OTOGL: variants seen among roughly 807,000 people sequenced by gnomAD.
OTOGL encodes otogelin like.
OTOGL carries 285 observed loss-of-function variants against 318.5 expected under a neutral mutation model. The observed-to-expected ratio is 0.89, with a 90% confidence interval of 0.81 to 0.99. The LOEUF (loss-of-function observed/expected upper bound fraction) is 0.99, where lower values mean the gene tolerates loss of function less well. OTOGL is among the 50% of genes least tolerant of loss of function. The pLI is 0.00. For missense variants in OTOGL, 2,899 were observed against 2,845.6 expected, an observed-to-expected ratio of 1.02 and a Z score of -0.43; for synonymous variants, 987 against 936.5, an observed-to-expected ratio of 1.05 and a Z score of -0.99.
At chr12:80,313,100 AAAGG>A (rs1302798837) in intron 30 of OTOGL, among the ~76,000 whole-genome samples, 5 of 152,236 alleles carry the variant, frequency 3.3e-5, no homozygotes, top group Non-Finnish European at 7.3e-5. Context: ...GGCAAAAAAG[AAAGG>A]AAAGAAGGAA....
At position 80,255,165 on chromosome 12, in the gene OTOGL, C is replaced by A; in HGVS notation, c.1567C>A (p.Gln523Lys). ...TGKDKFTITLQKAPCEQNLGL... is the reference protein window; with the variant it reads ...TGKDKFTITLKKAPCEQNLGL... ...AAAAGATAAATTCACGATTACTTTA[C>A]AGAAAGCTCCCTGTGAGCAGGTAAG... Residue 523 changes from glutamine (Q) to lysine (K), a missense_variant, in exon 16 of 59, where the codon CAG becomes AAG. Around this residue, in one of 3 missense-constraint regions of OTOGL, gnomAD observed 2,607 missense variants for 2,524.9 expected, o/e 1.03. Transcript: ENST00000547103. 2 of 1,516,318 alleles carry A rather than the reference C, an allele frequency of 1.3e-6. No individual in the cohort carries two copies. Among genetic ancestry groups the A allele is most frequent in the Admixed American group, 2.4e-5 (1 of 40,962 alleles). The allele number at this position is 1,516,318 out of a possible 1,614,324, so 93.9% of individuals were successfully genotyped here.
intron 26 of OTOGL, among the ~76,000 whole-genome samples, chr12:80,295,816 T>A (rs1381176406): frequency 2.0e-5 from 3 of 152,216 alleles, no homozygotes; most frequent in Non-Finnish European, 4.4e-5. Flanking sequence ...TATATACATA[T>A]AACATCCCAT....
intron 44 of OTOGL, among the ~76,000 whole-genome samples, chr12:80,346,946 T>C (rs758681879): frequency 5.9e-5 from 9 of 152,236 alleles, no homozygotes; most frequent in Non-Finnish European, 7.3e-5. Flanking sequence ...ATACTCAATC[T>C]GTTCCATCCA....
At chr12:80,192,867 T>G (rs920773456) in intron 1 of OTOGL, among the ~76,000 whole-genome samples, 1 of 152,166 alleles carries the variant, frequency 6.6e-6, no homozygotes, top group African/African-American at 2.4e-5. Context: ...CGTGAGTATA[T>G]AGTATGTACC....
At chr12:80,269,687 C>T (rs573896147) in intron 22 of OTOGL, among the ~76,000 whole-genome samples, 1 of 152,268 alleles carries the variant, frequency 6.6e-6, no homozygotes, top group East Asian at 1.9e-4. Context: ...GACTTTACTT[C>T]CTTTGATTCC....
At chr12:80,188,960 T>C (rs1875491304) in intron 1 of OTOGL, among the ~76,000 whole-genome samples, 1 of 152,238 alleles carries the variant, frequency 6.6e-6, no homozygotes, top group Non-Finnish European at 1.5e-5. Flanking sequence ...CCGTTCTCTC[T>C]GTCCTCCCTT....
intron 52 of OTOGL, among the ~76,000 whole-genome samples, chr12:80,360,473 C>G (rs1317166395): frequency 7.2e-6 from 1 of 137,992 alleles, no homozygotes; most frequent in African/African-American, 2.7e-5. Flanking sequence ...TCTCTCCTCT[C>G]TCTCCCTCTC....
intron 4 of OTOGL, among the ~76,000 whole-genome samples, chr12:80,217,283 G>C (rs560933118): frequency 6.6e-6 from 1 of 152,202 alleles, no homozygotes; most frequent in African/African-American, 2.4e-5. Context: ...ATCGGGGGCT[G>C]GGGGGAAGAC....
chr12:80,358,995 T>C, intron 52 of OTOGL, 95 bp downstream of exon 52: 5 of 1,028,366 alleles, frequency 4.9e-6, no homozygotes, highest in Non-Finnish European at 6.9e-6. Flanking sequence ...TTAGAGTTAA[T>C]AAAATTACCC....
chr12:80,179,084 G>T (rs1367884844), intron 1 of OTOGL, among the ~76,000 whole-genome samples: 3 of 151,324 alleles, frequency 2.0e-5, no homozygotes, highest in Non-Finnish European at 4.4e-5. Flanking sequence ...GACTGGCTTG[G>T]TTTTTATTGT....
intron 9 of OTOGL, 26 bp downstream of exon 9, chr12:80,233,123 G>C: frequency 6.4e-7 from 1 of 1,552,972 alleles, no homozygotes; most frequent in Non-Finnish European, 8.8e-7. Context: ...TAAATGTGTG[G>C]GTACCTTCTA....
intron 26 of OTOGL, among the ~76,000 whole-genome samples, chr12:80,287,218 T>C (rs1406518723): frequency 1.3e-5 from 2 of 151,794 alleles, no homozygotes; most frequent in African/African-American, 2.4e-5. Context: ...TGAGTGGGTT[T>C]CTTAATCCTG....
chr12:80,342,853 G>A (rs1888869041), intron 44 of OTOGL, among the ~76,000 whole-genome samples: 1 of 151,920 alleles, frequency 6.6e-6, no homozygotes, highest in South Asian at 2.1e-4. Flanking sequence ...TCCCAGGTTT[G>A]GAGAAGACTT....
At chr12:80,333,350 T>C (rs1426722176) in intron 38 of OTOGL, among the ~76,000 whole-genome samples, 1 of 151,162 alleles carries the variant, frequency 6.6e-6, no homozygotes, top group African/African-American at 2.4e-5. Flanking sequence ...GATTTATCTG[T>C]GAATCAGGCA....
Position 80,377,969 on chromosome 12 carries a change from CT to C in OTOGL, c.6984del (p.Leu2329CysfsTer18), listed in dbSNP as rs745472255. The stretch of plus-strand genomic sequence containing the variant: ...AATGGAGTACGAAACTTGTCTGTGC[CT>C]CTGTATTGCTCAGGAAATGGCACTG... The part of the protein sequence containing the change: ...RENGVRNLSV[P>X]LYCSGNGTEI... On this transcript the variant is annotated frameshift_variant, in exon 59 of 59. Transcript: ENST00000547103. LOFTEE classifies it high-confidence loss of function. 6.2e-7 allele frequency: 1 copy of C among 1,606,128 alleles called. No homozygotes were observed. Among genetic ancestry groups the C allele is most frequent in the Admixed American group, 1.7e-5 (1 of 58,974 alleles).
At chr12:80,113,206 G>A (rs1869956228) in intron 1 of OTOGL, among the ~76,000 whole-genome samples, 1 of 151,920 alleles carries the variant, frequency 6.6e-6, no homozygotes, top group African/African-American at 2.4e-5. Context: ...AACCATCTCT[G>A]GGATTCGATT....
At chr12:80,365,968 AT>A (rs574932469) in intron 52 of OTOGL, among the ~76,000 whole-genome samples, 1 of 152,280 alleles carries the variant, frequency 6.6e-6, no homozygotes, top group African/African-American at 2.4e-5. Context: ...AGCATCTGTC[AT>A]AGTAACAATG....
chr12:80,182,774 A>G (rs1279790864), intron 1 of OTOGL, among the ~76,000 whole-genome samples: 1 of 152,236 alleles, frequency 6.6e-6, no homozygotes, highest in Non-Finnish European at 1.5e-5. Flanking sequence ...GGATGGCTGA[A>G]GCATAGGGAG....
At chr12:80,266,671 C>A in intron 21 of OTOGL, 55 bp downstream of exon 21, 1 of 1,507,614 alleles carries the variant, frequency 6.6e-7, no homozygotes, top group Non-Finnish European at 9.1e-7. Context: ...TTTCTCCTTA[C>A]GGGCTAAATG....
Sources: gnomAD v4.1 joint callset for allele counts (sites outside exome capture counted in the v4.1 genomes callset) on GRCh38, gnomAD v4.1.1 for gene constraint, gnomAD v4.1.1 regional missense constraint, MANE v1.5 for transcripts, NCBI Gene and HGNC (gene_info 2026-07-23, HGNC 2026-07-21) for gene names.